Variants in WWTR1 observed in about 807,000 individuals in gnomAD.
WWTR1 encodes the protein WW domain containing transcription regulator 1, also known as WW domain-containing transcription regulator protein 1.
A neutral mutation model predicts 40.1 loss-of-function variants in WWTR1; 13 were observed. The observed-to-expected ratio is 0.32, with a 90% CI of 0.21 to 0.52. The LOEUF is 0.52. Among genes scored for constraint, WWTR1 ranks in the 20% least tolerant of loss-of-function variants. The pLI is 0.97. For synonymous variants in WWTR1, 230 were observed against 210.1 expected, an observed-to-expected ratio of 1.09 and a Z score of -0.82; for missense variants, 436 against 523.1, an observed-to-expected ratio of 0.83 and a Z score of 1.63.
chr3:149,586,446 A>G (rs1454071014), intron 2 of WWTR1, among the ~76,000 whole-genome samples: 2 of 152,232 alleles, frequency 1.3e-5, no homozygotes, highest in Non-Finnish European at 2.9e-5. Flanking sequence ...GAATAACCAA[A>G]TCGGGAAACC....
At chr3:149,688,200 G>A (rs1005124461) in intron 1 of WWTR1, among the ~76,000 whole-genome samples, 1 of 152,056 alleles carries the variant, frequency 6.6e-6, no homozygotes, top group Non-Finnish European at 1.5e-5. Context: ...GGGCCAGAAG[G>A]GAACCCACTG....
chr3:149,528,425 C>T (rs1458565871), intron 4 of WWTR1, among the ~76,000 whole-genome samples: 1 of 152,212 alleles, frequency 6.6e-6, no homozygotes, highest in Non-Finnish European at 1.5e-5. Flanking sequence ...CCAGGCTCTA[C>T]ATTAAATTGC....
intron 1 of WWTR1, among the ~76,000 whole-genome samples, chr3:149,685,994 T>G (rs1334652414): frequency 1.3e-5 from 2 of 152,200 alleles, no homozygotes; most frequent in African/African-American, 4.8e-5. Flanking sequence ...TTTTTTGATC[T>G]CATGTTCCCT....
intron 2 of WWTR1, among the ~76,000 whole-genome samples, chr3:149,583,336 T>A (rs931105022): frequency 6.6e-6 from 1 of 152,164 alleles, no homozygotes; most frequent in Admixed American, 6.5e-5. Flanking sequence ...ATTAGACAAG[T>A]ATTTACAGTG....
chr3:149,640,198 C>A (rs536176640), intron 2 of WWTR1, among the ~76,000 whole-genome samples: 1 of 152,074 alleles, frequency 6.6e-6, no homozygotes, highest in African/African-American at 2.4e-5. Flanking sequence ...CAGATAAATG[C>A]CTCTCTACCA....
At chr3:149,695,469 A>T (rs945464797) in intron 1 of WWTR1, among the ~76,000 whole-genome samples, 3 of 152,140 alleles carry the variant, frequency 2.0e-5, no homozygotes, top group East Asian at 3.9e-4. Context: ...AAATAAAAAA[A>T]TTATTAAAGG....
intron 1 of WWTR1, among the ~76,000 whole-genome samples, chr3:149,697,743 G>C (rs1442945541): frequency 6.6e-6 from 1 of 152,150 alleles, no homozygotes; most frequent in African/African-American, 2.4e-5. Flanking sequence ...AAAGTCCAAA[G>C]TCTCATCTGA....
At chr3:149,699,430 A>C (rs1715099314) in intron 1 of WWTR1, among the ~76,000 whole-genome samples, 1 of 151,478 alleles carries the variant, frequency 6.6e-6, no homozygotes, top group Non-Finnish European at 1.5e-5. Context: ...AGTAGCTGGG[A>C]TTATAGGCAT....
intron 3 of WWTR1, among the ~76,000 whole-genome samples, chr3:149,558,461 C>G (rs1027096823): frequency 3.9e-5 from 6 of 152,132 alleles, no homozygotes; most frequent in African/African-American, 1.4e-4. Context: ...GACCAAAAAG[C>G]CTTTCCACAT....
intron 2 of WWTR1, among the ~76,000 whole-genome samples, chr3:149,620,725 G>A (rs1740231176): frequency 1.3e-5 from 2 of 152,146 alleles, no homozygotes; most frequent in South Asian, 4.1e-4. Context: ...AGGTCCTCAA[G>A]TTCCAGCTCA....
At chr3:149,667,322 TG>T (rs1311354109) in intron 2 of WWTR1, among the ~76,000 whole-genome samples, 20 of 148,606 alleles carry the variant, frequency 1.3e-4, no homozygotes, top group African/African-American at 4.7e-4. Flanking sequence ...TGAGGGGGGG[TG>T]GATCATGAGG....
At chr3:149,675,796 A>C (rs2108197367) in intron 1 of WWTR1, among the ~76,000 whole-genome samples, 1 of 151,936 alleles carries the variant, frequency 6.6e-6, no homozygotes, top group East Asian at 1.9e-4. Flanking sequence ...GGCTCACTGC[A>C]AGCTCTGCCT....
chr3:149,691,086 T>A lies in WWTR1; in HGVS notation c.-108+12038A>T, dbSNP rs74374690. Among the ~76,000 whole-genome samples, 524 of 151,388 alleles carry A rather than the reference T, an allele frequency of 3.5e-3. 2 individuals carry two copies. The highest frequency in any genetic ancestry group is 5.4e-3 in the Non-Finnish European group (365 of 67,842). On this transcript the variant is annotated intron_variant, in intron 1 of 7. Coordinates refer to the WWTR1 transcript ENST00000465804. Reference sequence around the variant, plus strand: ...TGAGAAAAAATTTAAAATTTAAAAATTTTTTTTTAAAAGAAAAAATTTCTT... The same window carrying A: ...TGAGAAAAAATTTAAAATTTAAAAAATTTTTTTTAAAAGAAAAAATTTCTT...
intron 4 of WWTR1, among the ~76,000 whole-genome samples, chr3:149,533,403 G>A (rs1735680618): frequency 6.6e-6 from 1 of 152,210 alleles, no homozygotes; most frequent in Admixed American, 6.5e-5. Context: ...AACCACAGGG[G>A]AAGACTAGAA....
At chr3:149,582,069 T>A (rs569312911) in intron 2 of WWTR1, among the ~76,000 whole-genome samples, 33 of 152,164 alleles carry the variant, frequency 2.2e-4, no homozygotes, top group African/African-American at 7.7e-4. Flanking sequence ...AGAAAACCAC[T>A]TTGGAAGGCT....
At chr3:149,603,584 C>T (rs531701414) in intron 2 of WWTR1, among the ~76,000 whole-genome samples, 12 of 147,154 alleles carry the variant, frequency 8.2e-5, no homozygotes, top group African/African-American at 2.0e-4. Flanking sequence ...ATTACATTCT[C>T]CATCCCCCAT....
chr3:149,614,109 T>A (rs1739859603), intron 2 of WWTR1, among the ~76,000 whole-genome samples: 1 of 152,226 alleles, frequency 6.6e-6, no homozygotes, highest in African/African-American at 2.4e-5. Context: ...ATTTTACTTA[T>A]ATTTCATCTG....
upstream of WWTR1, among the ~76,000 whole-genome samples, chr3:149,661,740 T>TG (rs931987653): frequency 6.7e-5 from 10 of 148,798 alleles, no homozygotes; most frequent in South Asian, 2.1e-4. Flanking sequence ...AAAGTTTTTT[T>TG]TTTTTTTTTT....
At chr3:149,694,430 C>A (rs998309397) in intron 1 of WWTR1, among the ~76,000 whole-genome samples, 75 of 151,828 alleles carry the variant, frequency 4.9e-4, no homozygotes, top group Admixed American at 1.2e-3. Context: ...CAAACAACAA[C>A]AAAAAAACAA....
Sources: gnomAD v4.1 joint callset for allele counts (sites outside exome capture counted in the v4.1 genomes callset) on GRCh38, gnomAD v4.1.1 for gene constraint, MANE v1.5 for transcripts, NCBI Gene and HGNC (gene_info 2026-07-23, HGNC 2026-07-21) for gene names.